The following GLCCI1 variants were observed in gnomAD, a reference collection of about 807,000 sequenced individuals.
The protein encoded by GLCCI1 is glucocorticoid induced 1.
GLCCI1 carries 24 observed loss-of-function variants against 52.2 expected under a neutral mutation model. That is an observed-to-expected ratio of 0.46 (90% CI 0.33 to 0.65). The LOEUF is 0.65. Ranked by LOEUF, GLCCI1 falls within the 30% of genes least tolerant of loss-of-function variation. The pLI, the probability that GLCCI1 is intolerant of heterozygous loss-of-function variation, is 0.02. For missense variants in GLCCI1, 704 were observed against 701.5 expected (o/e 1.00, Z -0.04); for synonymous variants, 310 against 276.5 (o/e 1.12, Z -1.20).
intron 3 of GLCCI1, among the ~76,000 whole-genome samples, chr7:8,040,923 C>T (rs1781984369): frequency 6.6e-6 from 1 of 152,152 alleles, no homozygotes; most frequent in South Asian, 2.1e-4. Flanking sequence ...CCAACTAATA[C>T]TCCTACAGTG....
chr7:7,978,731 G>T (rs911020523), intron 1 of GLCCI1, among the ~76,000 whole-genome samples: 1 of 152,084 alleles, frequency 6.6e-6, no homozygotes, highest in Non-Finnish European at 1.5e-5. Context: ...TATATCAGTT[G>T]TACATTGAAT....
chr7:8,011,043 C>G (rs183325438), intron 2 of GLCCI1, among the ~76,000 whole-genome samples: 2 of 151,890 alleles, frequency 1.3e-5, no homozygotes, highest in South Asian at 4.2e-4. Flanking sequence ...CGCTTGAACC[C>G]GGGAGGTGGA....
intron 5 of GLCCI1, among the ~76,000 whole-genome samples, chr7:8,063,314 T>A (rs1391131714): frequency 7.4e-6 from 1 of 134,626 alleles, no homozygotes; most frequent in African/African-American, 2.5e-5. Flanking sequence ...ACTTTTTGTA[T>A]TTTTTTTTTC....
intron 3 of GLCCI1, among the ~76,000 whole-genome samples, chr7:8,029,247 C>T (rs2882015): frequency 0.16 from 24,983 of 152,110 alleles, 2,450 homozygotes; most frequent in East Asian, 0.36. Context: ...TTAAAAAGAT[C>T]ATTCATCCTG....
chr7:8,028,026 C>A (rs1781660151), intron 3 of GLCCI1, among the ~76,000 whole-genome samples: 1 of 152,174 alleles, frequency 6.6e-6, no homozygotes. Context: ...GACTTCAACA[C>A]CCTACTTTCA....
At chr7:8,067,230 G>T (rs1260543542) in intron 5 of GLCCI1, among the ~76,000 whole-genome samples, 1 of 152,042 alleles carries the variant, frequency 6.6e-6, no homozygotes, top group East Asian at 1.9e-4. Flanking sequence ...CATTTGGTTG[G>T]TAGATTTTTC....
chr7:8,025,658 T>C (rs1583981717), intron 3 of GLCCI1, among the ~76,000 whole-genome samples: 1 of 152,152 alleles, frequency 6.6e-6, no homozygotes, highest in African/African-American at 2.4e-5. Context: ...ATCTACAGAT[T>C]CATGAAGCTT....
chr7:7,975,517 C>T (rs1780445621), intron 1 of GLCCI1, among the ~76,000 whole-genome samples: 1 of 152,182 alleles, frequency 6.6e-6, no homozygotes, highest in East Asian at 1.9e-4. Context: ...TTCCATAAGA[C>T]TATGCTGTTG....
chr7:8,086,276 G>A lies in GLCCI1; in HGVS notation c.1382G>A (p.Cys461Tyr). The A allele has an allele frequency of 1.9e-6, 3 of 1,614,070 alleles. No individual in the cohort carries two copies. The highest frequency in any genetic ancestry group is 2.5e-6 in the Non-Finnish European group (3 of 1,180,018). Residue 461 changes from cysteine (C) to tyrosine (Y), a missense_variant, in exon 8 of 8, where the codon TGT (cysteine) becomes TAT (tyrosine). Physicochemically the swap from Cys to Tyr is radical, Grantham distance 194. Around this residue, in one of 3 missense-constraint regions of GLCCI1, gnomAD observed 149 missense variants for 152.9 expected, o/e 0.97. Transcript: ENST00000223145. The surrounding 1 kb of genome is among the most constrained non-coding windows in gnomAD (Gnocchi z 4.4). ...VNFIPTGSAF[C>Y]PVKLLGPLLP... ...TTCATCCCAACCGGATCAGCTTTCT[G>A]TCCTGTAAAACTTCTAGGCCCCCTC...
chr7:7,974,137 A>C (rs1780416791), intron 1 of GLCCI1, among the ~76,000 whole-genome samples: 1 of 152,152 alleles, frequency 6.6e-6, no homozygotes, highest in Non-Finnish European at 1.5e-5. Context: ...TTCTCAGAAA[A>C]CTATGCTAGA....
At chr7:8,044,795 G>A (rs772585274) in intron 3 of GLCCI1, among the ~76,000 whole-genome samples, 5 of 152,138 alleles carry the variant, frequency 3.3e-5, no homozygotes, top group Non-Finnish European at 1.5e-5. Context: ...AAACCTGTAA[G>A]AATGCAATGT....
intron 1 of GLCCI1, chr7:7,982,139 C>A: frequency 2.7e-6 from 1 of 377,250 alleles, no homozygotes; most frequent in Non-Finnish European, 5.2e-6. Flanking sequence ...ATCCAAATAC[C>A]AGACATCTTT....
At position 8,058,416 on chromosome 7, in the gene GLCCI1, A is replaced by G. The variant is rs78160193; in HGVS notation, c.814-1680A>G. ...CTTGAAAAACTGTCTTCAAAGGCCA[A>G]TGAAAAAGCAGGGCCCATTAATAGA... On this transcript the variant is annotated intron_variant, in intron 4 of 7. Transcript: ENST00000223145. 1.4e-4 allele frequency among the ~76,000 whole-genome samples: 22 copies of G among 152,322 alleles called. No homozygotes were observed. The East Asian group carries it at 3.9e-3, about 27-fold the overall frequency.
In GLCCI1 at chr7:8,070,931, T is replaced by C; in HGVS notation, c.977T>C (p.Ile326Thr). The C allele has an allele frequency of 6.2e-7, 1 of 1,614,026 alleles. No homozygotes were observed. Among genetic ancestry groups the C allele is most frequent in the African/African-American group, 1.3e-5 (1 of 75,070 alleles). The change falls in exon 6 of 8, where the codon ATA becomes ACA. Residue 326 changes from isoleucine (I) to threonine (T), a missense_variant. Physicochemically the swap from Ile to Thr is moderately conservative, Grantham distance 89. Transcript: ENST00000223145. The stretch of plus-strand genomic sequence containing the variant: ...GTATTCCTCTTACAGCCGTTGGACA[T>C]ACCAGATGGTCGAAGAGCTCCACTT... ...GKEEVSKPLDIPDGRRAPLPA... is the reference protein window; with the variant it reads ...GKEEVSKPLDTPDGRRAPLPA...
intron 3 of GLCCI1, among the ~76,000 whole-genome samples, chr7:8,049,254 A>G (rs1390974702): frequency 6.6e-6 from 1 of 152,194 alleles, no homozygotes; most frequent in African/African-American, 2.4e-5. Flanking sequence ...TCCCTTTAAT[A>G]AAACTATAGT....
intron 3 of GLCCI1, among the ~76,000 whole-genome samples, chr7:8,046,667 C>G (rs1782136308): frequency 2.0e-5 from 3 of 152,288 alleles, no homozygotes; most frequent in Admixed American, 2.0e-4. Flanking sequence ...TCCTGCCTTT[C>G]TGGACTGAAC....
Position 8,038,192 on chromosome 7 carries a change from G to C in GLCCI1, c.696+15623G>C, listed in dbSNP as rs79571247. Among the ~76,000 whole-genome samples the C allele has an allele frequency of 1.4e-3, 216 of 152,096 alleles. 3 individuals are homozygous for C. In the East Asian group the frequency reaches 0.036, roughly 25 times the overall value. On this transcript the variant is annotated intron_variant, in intron 3 of 7. Coordinates refer to ENST00000223145, the MANE Select transcript of GLCCI1 (RefSeq NM_138426.4). ...GGATTGTAAGAGCTTAAATTAATAT[G>C]GTTAAAATTGCCACCTACATATTCA...
chr7:8,033,475 C>G (rs551913362), intron 3 of GLCCI1, among the ~76,000 whole-genome samples: 1 of 151,798 alleles, frequency 6.6e-6, no homozygotes, highest in African/African-American at 2.4e-5. Context: ...CTTTATTCAC[C>G]GAAGACATAA....
intron 5 of GLCCI1, among the ~76,000 whole-genome samples, chr7:8,066,051 G>C (rs1438317037): frequency 6.6e-6 from 1 of 152,102 alleles, no homozygotes; most frequent in South Asian, 2.1e-4. Flanking sequence ...TGGTTGGTAG[G>C]CTTTTTATTA....
Sources: gnomAD v4.1 joint callset for allele counts (sites outside exome capture counted in the v4.1 genomes callset) on GRCh38, gnomAD v4.1.1 for gene constraint, gnomAD v4.1.1 regional missense constraint, Gnocchi (gnomAD v3.1) non-coding constraint, MANE v1.5 for transcripts, NCBI Gene and HGNC (gene_info 2026-07-23, HGNC 2026-07-21) for gene names.